Variants in PDE1A observed in about 807,000 individuals in gnomAD.
The protein encoded by PDE1A is phosphodiesterase 1A, also known as dual specificity calcium/calmodulin-dependent 3',5'-cyclic nucleotide phosphodiesterase 1A.
PDE1A carries 35 observed loss-of-function variants against 61.7 expected under a neutral mutation model. The observed-to-expected ratio is 0.57, with a 90% confidence interval of 0.43 to 0.75. The LOEUF is 0.75. PDE1A is among the 30% of genes least tolerant of loss of function. PDE1A has a pLI of 0.00. For synonymous variants in PDE1A, 232 were observed against 213.2 expected, an observed-to-expected ratio of 1.09 and a Z score of -0.77; for missense variants, 597 against 630.6, an observed-to-expected ratio of 0.95 and a Z score of 0.57.
chr2:182,161,006 T>C (rs186753476), intron 13 of PDE1A, among the ~76,000 whole-genome samples: 19 of 152,326 alleles, frequency 1.2e-4, no homozygotes, highest in African/African-American at 4.6e-4. Context: ...TTCACCACTT[T>C]CAGGAGGTAA....
intron 1 of PDE1A, among the ~76,000 whole-genome samples, chr2:182,270,856 T>C (rs546401071): frequency 3.3e-4 from 50 of 151,942 alleles, no homozygotes; most frequent in African/African-American, 1.1e-3. Context: ...CAATAAAAAG[T>C]TGATAATAAA....
intron 1 of PDE1A, chr2:182,314,475 T>C (rs1696200717): frequency 2.0e-5 from 3 of 152,090 alleles, no homozygotes; most frequent in African/African-American, 7.2e-5. Context: ...CTGTGCTGAT[T>C]AGCAGTAGGA....
intron 7 of PDE1A, among the ~76,000 whole-genome samples, chr2:182,209,400 T>C (rs896509138): frequency 5.9e-5 from 9 of 151,924 alleles, no homozygotes; most frequent in African/African-American, 2.2e-4. Context: ...ATGGGAATTA[T>C]GGGATTACAA....
At chr2:182,164,576 A>G (rs143646922), downstream of PDE1A, among the ~76,000 whole-genome samples, 2 of 152,078 alleles carry the variant, frequency 1.3e-5, no homozygotes, top group African/African-American at 2.4e-5. Context: ...CTCCTCAGCT[A>G]CCATTGTCAT....
the PDE1A span, among the ~76,000 whole-genome samples, chr2:182,624,471 T>C: frequency 6.6e-6 from 1 of 152,236 alleles, no homozygotes; most frequent in African/African-American, 2.4e-5. Context: ...GTCTTTACAC[T>C]GATATCATGG....
intron 2 of PDE1A, among the ~76,000 whole-genome samples, chr2:182,475,588 G>T (rs10497604): frequency 0.65 from 98,477 of 151,742 alleles, 32,917 homozygotes; most frequent in East Asian, 0.95. Context: ...TAGGGTTATA[G>T]TTTTTGTGAC....
At position 182,264,281 on chromosome 2, in the gene PDE1A, A is replaced by G. The variant is rs766347467; in HGVS notation, c.167+20T>C. ...GGGAGAGAATCAAAGAAGATAAAAG[A>G]GAAGAAGGTTAAAACTTACCTTGTT... On this transcript the variant is annotated intron_variant, in intron 2 of 13. Transcript: ENST00000351439. The G allele has an allele frequency of 6.7e-7, 1 of 1,486,726 alleles. No individual in the cohort carries two copies. Among genetic ancestry groups the G allele is most frequent in the Non-Finnish European group, 9.3e-7 (1 of 1,070,342 alleles). 92.1% of individuals were successfully genotyped at this position (1,486,726 alleles called of 1,614,324 possible).
the PDE1A span, among the ~76,000 whole-genome samples, chr2:182,705,514 T>G: frequency 7.9e-4 from 120 of 152,048 alleles, 1 homozygote; most frequent in African/African-American, 2.8e-3. Context: ...CTTTTTTTTT[T>G]TTGTTTTGGG....
intron 2 of PDE1A, among the ~76,000 whole-genome samples, chr2:182,240,915 G>T (rs1197271915): frequency 2.6e-5 from 4 of 152,066 alleles, no homozygotes; most frequent in African/African-American, 9.7e-5. Context: ...GAAAACACAT[G>T]ATATCAAATA....
chr2:182,190,920 C>A (rs1175701394), intron 10 of PDE1A, among the ~76,000 whole-genome samples: 1 of 151,930 alleles, frequency 6.6e-6, no homozygotes, highest in Admixed American at 6.6e-5. Context: ...TGCACCACTG[C>A]ACTCCAGCCT....
intron 2 of PDE1A, among the ~76,000 whole-genome samples, chr2:182,474,899 A>T (rs1687256599): frequency 6.6e-6 from 1 of 151,918 alleles, no homozygotes; most frequent in Admixed American, 6.6e-5. Flanking sequence ...GACATACAGA[A>T]ATTAAAACTC....
intron 13 of PDE1A, among the ~76,000 whole-genome samples, chr2:182,158,177 C>T (rs1691198761): frequency 1.3e-5 from 2 of 152,234 alleles, no homozygotes; most frequent in Admixed American, 1.3e-4. Flanking sequence ...GCAAGTTGCT[C>T]CTATTGAAGT....
intron 2 of PDE1A, among the ~76,000 whole-genome samples, chr2:182,465,363 C>T (rs188558246): frequency 1.4e-4 from 22 of 152,084 alleles, no homozygotes; most frequent in African/African-American, 5.3e-4. Context: ...AGAACCTCTG[C>T]TTACTTTGAT....
At chr2:182,178,006 T>C (rs1459165424) in intron 13 of PDE1A, among the ~76,000 whole-genome samples, 1 of 152,184 alleles carries the variant, frequency 6.6e-6, no homozygotes, top group East Asian at 1.9e-4. Flanking sequence ...TTGTTTTTCA[T>C]TTCTCTTCTG....
chr2:182,394,580 T>C (rs1032954387), intron 1 of PDE1A, among the ~76,000 whole-genome samples: 4 of 152,012 alleles, frequency 2.6e-5, no homozygotes, highest in African/African-American at 9.7e-5. Context: ...CGAGCTGACA[T>C]TGATTCCAGG....
chr2:182,510,673 A>T (rs1027765526), intron 2 of PDE1A, among the ~76,000 whole-genome samples: 2 of 152,216 alleles, frequency 1.3e-5, no homozygotes, highest in African/African-American at 4.8e-5. Flanking sequence ...ACTCAGGAAA[A>T]TAAGTCTAGC....
At chr2:182,143,619 A>C (rs111817023), downstream of PDE1A, among the ~76,000 whole-genome samples, 13 of 151,996 alleles carry the variant, frequency 8.6e-5, no homozygotes, top group East Asian at 3.9e-4. Context: ...GGGTTCACGC[A>C]ATTCTCCTGC....
intron 13 of PDE1A, among the ~76,000 whole-genome samples, chr2:182,169,035 C>T (rs537920286): frequency 9.9e-5 from 15 of 151,264 alleles, no homozygotes; most frequent in East Asian, 3.9e-4. Context: ...TATAATCATG[C>T]GCAATATAAT....
At chr2:182,694,466 G>C in the PDE1A span, among the ~76,000 whole-genome samples, 1 of 152,096 alleles carries the variant, frequency 6.6e-6, no homozygotes, top group Non-Finnish European at 1.5e-5. Flanking sequence ...CTACAGAAGC[G>C]GTAACGAAGC....
Sources: allele counts gnomAD v4.1 joint callset (sites outside exome capture counted in the v4.1 genomes callset), GRCh38; gene constraint gnomAD v4.1.1; transcripts MANE v1.5; gene names NCBI Gene and HGNC (gene_info 2026-07-23, HGNC 2026-07-21).